PPP6R1: variants seen among roughly 807,000 people sequenced by gnomAD.
PPP6R1 encodes protein phosphatase 6 regulatory subunit 1.
PPP6R1 carries 39 observed loss-of-function variants against 104.6 expected under a neutral mutation model. The observed-to-expected ratio is 0.37, with a 90% CI of 0.29 to 0.49. The LOEUF (loss-of-function observed/expected upper bound fraction) is 0.49, where lower values mean the gene tolerates loss of function less well. PPP6R1 is among the 20% of genes least tolerant of loss of function. The pLI, the probability that PPP6R1 is intolerant of heterozygous loss-of-function variation, is 0.98. For synonymous variants in PPP6R1, 549 were observed against 479.0 expected, an observed-to-expected ratio of 1.15 and a Z score of -1.91; for missense variants, 1,181 against 1,155.8, an observed-to-expected ratio of 1.02 and a Z score of -0.32.
At chr19:55,240,555 A>ACG (rs1016562367) in intron 10 of PPP6R1, among the ~76,000 whole-genome samples, 5 of 147,536 alleles carry the variant, frequency 3.4e-5, no homozygotes, top group Non-Finnish European at 5.9e-5. Context: ...ACACACACAC[A>ACG]CATGCATGCA....
intron 17 of PPP6R1, chr19:55,233,071 A>G (rs2087364480): frequency 6.6e-6 from 1 of 152,248 alleles, no homozygotes; most frequent in Non-Finnish European, 1.5e-5. Context: ...GTATCTAAAC[A>G]TAGGAAAAAT....
At chr19:55,256,690 C>G (rs1192457382) in intron 1 of PPP6R1, among the ~76,000 whole-genome samples, 1 of 152,146 alleles carries the variant, frequency 6.6e-6, no homozygotes, top group African/African-American at 2.4e-5. Context: ...AAGCGTGGTA[C>G]AAAAACACAA....
In PPP6R1 at chr19:55,245,435, C is replaced by A. The variant is rs1254602484; in HGVS notation, c.415-33G>T. On this transcript the variant is annotated intron_variant, in intron 3 of 23. Coordinates refer to ENST00000412770, the MANE Select transcript of PPP6R1 (RefSeq NM_014931.4). The surrounding 1 kb of genome is among the most constrained non-coding windows in gnomAD (Gnocchi z 6.4). ...CACACGGGCTGCGTCATGCACAGGGCCTGGCCCAGCCACCACCCCTCAACC... is the reference window on the plus strand; with the variant it reads ...CACACGGGCTGCGTCATGCACAGGGACTGGCCCAGCCACCACCCCTCAACC... The A allele has an allele frequency of 1.2e-6, 2 of 1,612,254 alleles. No individual in the cohort carries two copies. Among genetic ancestry groups the A allele is most frequent in the Non-Finnish European group, 1.7e-6 (2 of 1,179,186 alleles).
chr19:55,234,608 G>A (rs1292745614), intron 17 of PPP6R1, among the ~76,000 whole-genome samples: 1 of 152,218 alleles, frequency 6.6e-6, no homozygotes, highest in African/African-American at 2.4e-5. Flanking sequence ...TGACACACTT[G>A]TGCACCAACA....
chr19:55,243,239 C>T (rs1179768480), intron 5 of PPP6R1, among the ~76,000 whole-genome samples: 1 of 151,544 alleles, frequency 6.6e-6, no homozygotes, highest in Non-Finnish European at 1.5e-5. Context: ...ATGGTGAAAC[C>T]CCATCTCTAC....
rs1193944897 is a variant in PPP6R1 at position 55,245,816 on chromosome 19, C to A, written c.228-138G>T. 5.4e-6 allele frequency: 4 copies of A among 735,330 alleles called. No individual in the cohort carries two copies. The highest frequency in any genetic ancestry group is 8.9e-6 in the Non-Finnish European group (4 of 451,488). 45.6% of individuals were successfully genotyped at this position (735,330 alleles called of 1,614,324 possible). On this transcript the variant is annotated intron_variant, in intron 2 of 23. Transcript: ENST00000412770. This position sits in a 1 kb window ranked among gnomAD's most constrained non-coding sequence, Gnocchi z 6.4. Reference sequence around the variant, plus strand: ...ACCCCTGTCCAGGAAGGGGAAAGGGCAGAGGACAGGGTGACGCAGAAACAA... The same window carrying A: ...ACCCCTGTCCAGGAAGGGGAAAGGGAAGAGGACAGGGTGACGCAGAAACAA...
chr19:55,230,455 G>C lies in PPP6R1; in HGVS notation c.*73C>G, dbSNP rs1210825958. 2 of 1,597,834 alleles carry C rather than the reference G, an allele frequency of 1.3e-6. No homozygotes were observed. Among genetic ancestry groups the C allele is most frequent in the African/African-American group, 1.3e-5 (1 of 74,556 alleles). ...ATGAGGGCAATGGGGGCCATCGTGG[G>C]ACCCGCCCTGCCCCCACCCCGGGAG... On this transcript the variant is annotated 3_prime_UTR_variant, in exon 24 of 24. Coordinates refer to ENST00000412770, the MANE Select transcript of PPP6R1 (RefSeq NM_014931.4).
At position 55,245,566 on chromosome 19, in the gene PPP6R1, C is replaced by T. The variant is rs540715767; in HGVS notation, c.340G>A (p.Gly114Ser). ...NRLYGFLQST[G>S]SLNPLLASFF... ...CTGGCCAGCAGTGGGTTGAGGCTGC[C>T]GGTGCTCTGCAGGAAGCCGTAGAGC... The change falls in exon 3 of 24, where the codon GGC becomes AGC. Residue 114 changes from glycine (G) to serine (S), a missense_variant. Gly to Ser is a moderately conservative substitution (Grantham distance 56). This residue lies in a region of PPP6R1 where 139 missense variants were observed against 200.1 expected (regional missense o/e 0.69). Coordinates refer to ENST00000412770, the MANE Select transcript of PPP6R1 (RefSeq NM_014931.4). The surrounding 1 kb of genome is among the most constrained non-coding windows in gnomAD (Gnocchi z 6.4). 9.9e-6 allele frequency: 16 copies of T among 1,612,092 alleles called. No homozygotes were observed. The highest frequency in any genetic ancestry group is 8.9e-5 in the East Asian group (4 of 44,826).
At chr19:55,239,959 GCCC>G (rs1322271891) in intron 12 of PPP6R1, 37 bp downstream of exon 12, 3 of 1,611,900 alleles carry the variant, frequency 1.9e-6, no homozygotes, top group African/African-American at 2.7e-5. Flanking sequence ...GGGGCTTCAA[GCCC>G]CCCACCTAGC....
Position 55,245,353 on chromosome 19 carries a change from TGCA to T in PPP6R1, c.461_463del (p.Leu154del). Reference sequence around the variant, plus strand: ...CATGATGGCCGAGGTGCCAATGTGCTGCAGCAGCAGGTCCACGAAGTCATCCTT... The same window carrying T: ...CATGATGGCCGAGGTGCCAATGTGCTGCAGCAGGTCCACGAAGTCATCCTT... On this transcript the variant is annotated inframe_deletion, in exon 4 of 24. Coordinates refer to ENST00000412770, the MANE Select transcript of PPP6R1 (RefSeq NM_014931.4). The surrounding 1 kb of genome is among the most constrained non-coding windows in gnomAD (Gnocchi z 6.4). The T allele has an allele frequency of 6.2e-7, 1 of 1,612,894 alleles. No homozygotes were observed. Among genetic ancestry groups the T allele is most frequent in the Non-Finnish European group, 8.5e-7 (1 of 1,179,570 alleles).
At position 55,245,698 on chromosome 19, in the gene PPP6R1, G is replaced by A. The variant is rs750415543; in HGVS notation, c.228-20C>T. 173 of 1,596,684 alleles carry A rather than the reference G, an allele frequency of 1.1e-4. No individual in the cohort carries two copies. In the East Asian group the frequency reaches 2.6e-3, roughly 24 times the overall value. ...GGGTACCTGGGAGGCAAGCACAGGC[G>A]GGTGGGGGCTCGGGTCGGAGGCCGG... is the stretch of plus-strand genomic sequence containing the variant. On this transcript the variant is annotated intron_variant, in intron 2 of 23. Transcript: ENST00000412770. This position sits in a 1 kb window ranked among gnomAD's most constrained non-coding sequence, Gnocchi z 6.4.
rs746609004 is a variant in PPP6R1 at position 55,241,198 on chromosome 19, GCCC to G, written c.1161+38_1161+40del. 6.4e-5 allele frequency: 24 copies of G among 373,628 alleles called. No homozygotes were observed. In the African/African-American group the frequency reaches 1.4e-3, roughly 22 times the overall value. 23.1% of individuals were successfully genotyped at this position (373,628 alleles called of 1,614,324 possible). ...GAACCCTCAGCCCAGTCCAGTCCCC[GCCC>G]CAGCCCCTGAACCCCCAGCCCGGTC... On this transcript the variant is annotated intron_variant, in intron 9 of 23. Transcript: ENST00000412770. This position sits in a 1 kb window ranked among gnomAD's most constrained non-coding sequence, Gnocchi z 5.4.
intron 15 of PPP6R1, among the ~76,000 whole-genome samples, chr19:55,238,284 G>A (rs2087417085): frequency 6.6e-6 from 1 of 152,220 alleles, no homozygotes; most frequent in African/African-American, 2.4e-5. Flanking sequence ...TCTCCATGCT[G>A]GGCACAGAAG....
chr19:55,254,939 C>T (rs1018230981), intron 1 of PPP6R1, among the ~76,000 whole-genome samples: 6 of 152,194 alleles, frequency 3.9e-5, no homozygotes, highest in Non-Finnish European at 5.9e-5. Flanking sequence ...CGGTGTGTGC[C>T]GGCTGCAGAA....
At chr19:55,250,305 GC>G (rs2122710021) in intron 1 of PPP6R1, among the ~76,000 whole-genome samples, 1 of 152,362 alleles carries the variant, frequency 6.6e-6, no homozygotes, top group African/African-American at 2.4e-5. Context: ...AAATGCCTAT[GC>G]CCCGATCCAG....
Position 55,257,243 on chromosome 19 carries a change from C to A in PPP6R1, c.-7+1192G>T, listed in dbSNP as rs193113754. 8.0e-3 allele frequency among the ~76,000 whole-genome samples: 1,225 copies of A among 152,320 alleles called. 25 individuals are homozygous for A. Among genetic ancestry groups the A allele is most frequent in the Middle Eastern group, 0.01 (3 of 294 alleles). On this transcript the variant is annotated intron_variant, in intron 1 of 23. Transcript: ENST00000412770. Reference sequence around the variant, plus strand: ...CTGTGTTATCCAGGCAATCTCGAGTCCTTGCTGCATTTGCAGCGCACGCTA... The same window carrying A: ...CTGTGTTATCCAGGCAATCTCGAGTACTTGCTGCATTTGCAGCGCACGCTA...
chr19:55,257,170 G>A (rs762177249), intron 1 of PPP6R1, among the ~76,000 whole-genome samples: 1 of 151,690 alleles, frequency 6.6e-6, no homozygotes, highest in Non-Finnish European at 1.5e-5. Flanking sequence ...GTGGCCGGGC[G>A]CCGTGTCTCC....
rs755600831 is a variant in PPP6R1, at chr19:55,231,615, T to C, written c.2360A>G (p.Lys787Arg). ...SAPQEATEGSKVTEPSAPCQA... is the reference protein window; with the variant it reads ...SAPQEATEGSRVTEPSAPCQA... ...GGGCTCACCTGAGGGCTCCGTGACT[T>C]TGCTGCCTTCTGTGGCTTCCTGAGG... The change falls in exon 20 of 24, where the codon AAA (lysine) becomes AGA (arginine). Residue 787 changes from lysine (K) to arginine (R), a missense_variant. By Grantham distance (26) the Lys-to-Arg change is conservative. Transcript: ENST00000412770. 6.2e-7 allele frequency: 1 copy of C among 1,611,772 alleles called. No homozygotes were observed. Among genetic ancestry groups the C allele is most frequent in the South Asian group, 1.1e-5 (1 of 90,562 alleles).
rs1814655708 is a variant in PPP6R1 at position 55,245,018 on chromosome 19, GT to G, written c.618+101del. The G allele has an allele frequency of 2.0e-6, 3 of 1,500,936 alleles. No individual in the cohort carries two copies. In the Admixed American group the frequency reaches 5.9e-5, roughly 29 times the overall value. The allele number at this position is 1,500,936 out of a possible 1,614,324, so 93.0% of individuals were successfully genotyped here. On this transcript the variant is annotated intron_variant, in intron 5 of 23. Transcript: ENST00000412770. The surrounding 1 kb of genome is among the most constrained non-coding windows in gnomAD (Gnocchi z 6.4). ...CTCCCAAAGTGCTGGAATTACAGGC[GT>G]GAGCCACTGCGTCCAGCCCCAATTC...
Sources: gnomAD v4.1 joint callset for allele counts (sites outside exome capture counted in the v4.1 genomes callset) on GRCh38, gnomAD v4.1.1 for gene constraint, gnomAD v4.1.1 regional missense constraint, Gnocchi (gnomAD v3.1) non-coding constraint, MANE v1.5 for transcripts, NCBI Gene and HGNC (gene_info 2026-07-23, HGNC 2026-07-21) for gene names.